The following IGF2R variants were observed in gnomAD, a reference collection of about 807,000 sequenced individuals.
IGF2R encodes cation-independent mannose-6-phosphate receptor.
A neutral mutation model predicts 270.6 loss-of-function variants in IGF2R; 91 were observed. The ratio of observed to expected loss-of-function variants is 0.34; its 90% CI spans 0.28 to 0.40. The LOEUF is 0.40. IGF2R is among the 10% of genes least tolerant of loss of function. The pLI is 1.00. For missense variants in IGF2R, 2,805 were observed against 3,188.3 expected (o/e 0.88, Z 2.90); for synonymous variants, 1,316 against 1,258.9 (o/e 1.05, Z -0.96).
Position 160,072,807 on chromosome 6 carries a change from T to A in IGF2R, c.4613T>A (p.Phe1538Tyr), listed in dbSNP as rs762128793. Residue 1538 changes from phenylalanine (F) to tyrosine (Y), a missense_variant, in exon 33 of 48, where the codon TTC becomes TAC. This residue lies in a region of IGF2R where 1,851 missense variants were observed against 2,207.2 expected (regional missense o/e 0.84). Coordinates refer to ENST00000356956, the MANE Select transcript of IGF2R (RefSeq NM_000876.4). The part of the protein sequence containing the change: ...DLSSLSGRAG[F>Y]TAAYSEKGLV... The stretch of plus-strand genomic sequence containing the variant: ...AGCTCCTTAAGTGGCAGGGCGGGAT[T>A]CACAGCTGCTTACAGCGAGAAGGGG... The A allele has an allele frequency of 6.2e-7, 1 of 1,614,212 alleles. No individual in the cohort carries two copies. The highest frequency in any genetic ancestry group is 1.7e-5 in the Admixed American group (1 of 60,032).
chr6:160,064,516 C>T lies in IGF2R; in HGVS notation c.4002C>T (p.Asp1334=). The T allele has an allele frequency of 6.2e-7, 1 of 1,614,162 alleles. No homozygotes were observed. Among genetic ancestry groups the T allele is most frequent in the Non-Finnish European group, 8.5e-7 (1 of 1,180,020 alleles). Residue 1334 remains aspartate, a synonymous_variant, in exon 28 of 48, where the codon GAC becomes GAT. Coordinates refer to ENST00000356956, the MANE Select transcript of IGF2R (RefSeq NM_000876.4). ...QRSTAIFFYC[D]RGTQRPVFLK... is the part of the protein sequence containing the mutation. ...CCACAGCCATCTTCTTCTACTGTGACCGCGGCACCCAGCGGGTGAGCATGT... is the reference window on the plus strand; with the variant it reads ...CCACAGCCATCTTCTTCTACTGTGATCGCGGCACCCAGCGGGTGAGCATGT...
chr6:160,000,728 G>T (rs1024294887), intron 2 of IGF2R, among the ~76,000 whole-genome samples: 21 of 69,972 alleles, frequency 3.0e-4, no homozygotes, highest in Admixed American at 8.3e-4. Flanking sequence ...GTGTGAGGTT[G>T]TTTTTTTTTT....
Position 159,991,192 on chromosome 6 carries a change from G to T in IGF2R, c.158G>T (p.Trp53Leu). 1 of 1,608,008 alleles carries T rather than the reference G, an allele frequency of 6.2e-7. No individual in the cohort carries two copies. The highest frequency in any genetic ancestry group is 8.5e-7 in the Non-Finnish European group (1 of 1,177,194). ...TTTTTCTTCCTTTCCAGTTATACAT[G>T]GGAAGCTGTTGATACCAAAAATAAT... The part of the protein sequence containing the change: ...APFPELCSYT[W>L]EAVDTKNNVL... The change falls in exon 2 of 48, where the codon TGG (tryptophan) becomes TTG (leucine). Residue 53 changes from tryptophan (W) to leucine (L), a missense_variant. Transcript: ENST00000356956.
intron 16 of IGF2R, 135 bp downstream of exon 16, chr6:160,047,471 G>A: frequency 1.3e-6 from 1 of 741,278 alleles, no homozygotes; most frequent in Non-Finnish European, 2.1e-6. Flanking sequence ...AGGGTGCCTG[G>A]GCAGTATTAG....
chr6:160,060,804 G>GA, intron 23 of IGF2R, 87 bp downstream of exon 23: 1 of 1,296,022 alleles, frequency 7.7e-7, no homozygotes, highest in Non-Finnish European at 1.1e-6. Flanking sequence ...CTGTGTGTAT[G>GA]TATATTTGTG....
At chr6:160,075,150 CACAT>C (rs1199905140) in intron 35 of IGF2R, among the ~76,000 whole-genome samples, 1 of 151,748 alleles carries the variant, frequency 6.6e-6, no homozygotes, top group Non-Finnish European at 1.5e-5. Flanking sequence ...ACACATTCAT[CACAT>C]ACACAGTTCC....
chr6:160,104,833 A>G lies in IGF2R; in HGVS notation c.7225A>G (p.Ser2409Gly). ...LSSLHGDDQD[S>G]EDEVLTIPEV... ...CTCCCTGCATGGGGATGACCAGGAC[A>G]GTGAGGATGAGGTTCTGACCATCCC... is the stretch of plus-strand genomic sequence containing the variant. The change falls in exon 48 of 48, where the codon AGT (serine) becomes GGT (glycine). Residue 2409 changes from serine (S) to glycine (G), a missense_variant. Around this residue, in one of 2 missense-constraint regions of IGF2R, gnomAD observed 1,851 missense variants for 2,207.2 expected, o/e 0.84. Coordinates refer to ENST00000356956, the MANE Select transcript of IGF2R (RefSeq NM_000876.4). 1 of 1,614,208 alleles carries G rather than the reference A, an allele frequency of 6.2e-7. No homozygotes were observed. Among genetic ancestry groups the G allele is most frequent in the Non-Finnish European group, 8.5e-7 (1 of 1,180,026 alleles).
At chr6:160,073,127 A>G in intron 33 of IGF2R, 86 bp from the exon 34 acceptor site, 4 of 1,535,936 alleles carry the variant, frequency 2.6e-6, no homozygotes, top group Non-Finnish European at 3.5e-6. Flanking sequence ...TATGAAATTG[A>G]TGGTCCTGAC....
intron 2 of IGF2R, among the ~76,000 whole-genome samples, chr6:159,999,790 T>A (rs566661412): frequency 6.6e-6 from 1 of 152,286 alleles, no homozygotes; most frequent in African/African-American, 2.4e-5. Context: ...GATCACATAC[T>A]GAAATTACAG....
chr6:160,031,420 T>C (rs909512749), intron 7 of IGF2R, among the ~76,000 whole-genome samples: 2 of 152,096 alleles, frequency 1.3e-5, no homozygotes, highest in Admixed American at 6.5e-5. Context: ...ATCATCACAA[T>C]CTAATTTTGC....
At position 160,047,239 on chromosome 6, in the gene IGF2R, G is replaced by A; in HGVS notation, c.2132G>A (p.Gly711Asp). The change falls in exon 16 of 48, where the codon GGC becomes GAC. Residue 711 changes from glycine (G) to aspartate (D), a missense_variant. Gly to Asp is a moderately conservative substitution (Grantham distance 94). Transcript: ENST00000356956. The stretch of plus-strand genomic sequence containing the variant: ...GGGATGATCCAACTGAACTACAGAG[G>A]CGGCACACCCTATAACAATGAAAGA... ...YDGMIQLNYR[G>D]GTPYNNERHT... 2 of 1,614,010 alleles carry A rather than the reference G, an allele frequency of 1.2e-6. No individual in the cohort carries two copies. Among genetic ancestry groups the A allele is most frequent in the Non-Finnish European group, 1.7e-6 (2 of 1,179,964 alleles).
Position 160,029,655 on chromosome 6 carries a change from GGTAA to G in IGF2R, c.882+3_882+6del. On this transcript the variant is annotated splice_donor_variant and splice_donor_region_variant and intron_variant, in intron 7 of 47. Transcript: ENST00000356956. LOFTEE classifies it high-confidence loss of function. Reference sequence around the variant, plus strand: ...TTGTTTGCCCGTCGGAGCGGAGAGAGGTAAGTGACTCGTCTCCTGATCACTAATG... The same window carrying G: ...TTGTTTGCCCGTCGGAGCGGAGAGAGGTGACTCGTCTCCTGATCACTAATG... 6.2e-7 allele frequency: 1 copy of G among 1,603,014 alleles called. No homozygotes were observed. Among genetic ancestry groups the G allele is most frequent in the Non-Finnish European group, 8.5e-7 (1 of 1,170,014 alleles).
intron 29 of IGF2R, among the ~76,000 whole-genome samples, chr6:160,067,362 C>G (rs955657466): frequency 5.3e-5 from 8 of 152,134 alleles, no homozygotes; most frequent in Admixed American, 1.3e-4. Flanking sequence ...CAACAGCTGC[C>G]TCTGCCCCCC....
rs543343497 is a variant in IGF2R at position 160,043,055 on chromosome 6, G to A, written c.1481-93G>A. ...AGTGACGAAGTGGTTTGGGAACTTTGAGCCCTTGACTTTTGGCTTAATCAC... is the reference window on the plus strand; with the variant it reads ...AGTGACGAAGTGGTTTGGGAACTTTAAGCCCTTGACTTTTGGCTTAATCAC... On this transcript the variant is annotated intron_variant, in intron 11 of 47. Transcript: ENST00000356956. 8.6e-6 allele frequency: 12 copies of A among 1,392,146 alleles called. No homozygotes were observed. In the Admixed American group the frequency reaches 1.1e-4, roughly 13 times the overall value. 86.2% of individuals were successfully genotyped at this position (1,392,146 alleles called of 1,614,324 possible).
rs1215444995 is a variant in IGF2R, at chr6:160,050,065, A to G, written c.2515-408A>G. On this transcript the variant is annotated intron_variant, in intron 18 of 47. Coordinates refer to ENST00000356956, the MANE Select transcript of IGF2R (RefSeq NM_000876.4). The surrounding 1 kb of genome is among the most constrained non-coding windows in gnomAD (Gnocchi z 4.0). ...GAAGAAACTGCATTTGGTTCCCTGT[A>G]GGGAGGTCTTCATAGTGGTTAGTGT... Among the ~76,000 whole-genome samples the G allele has an allele frequency of 1.3e-5, 2 of 152,206 alleles. No homozygotes were observed. Among genetic ancestry groups the G allele is most frequent in the African/African-American group, 4.8e-5 (2 of 41,450 alleles).
At chr6:160,053,792 G>A (rs765428170) in intron 19 of IGF2R, among the ~76,000 whole-genome samples, 2 of 152,156 alleles carry the variant, frequency 1.3e-5, no homozygotes, top group Admixed American at 6.5e-5. Context: ...AATCACTGCA[G>A]CCTCGACTTC....
At chr6:159,987,782 GA>G (rs1783910949) in intron 1 of IGF2R, among the ~76,000 whole-genome samples, 1 of 152,194 alleles carries the variant, frequency 6.6e-6, no homozygotes, top group South Asian at 2.1e-4. Flanking sequence ...GTGAAGTTTA[GA>G]AACCTGCTGT....
chr6:160,109,489 A>G lies in IGF2R; in HGVS notation c.*4405A>G, dbSNP rs938485700. The G allele has an allele frequency of 1.9e-4, 29 of 152,228 alleles. No individual in the cohort carries two copies. The highest frequency in any genetic ancestry group is 1.3e-3 in the Admixed American group (20 of 15,288). 9.4% of individuals were successfully genotyped at this position (152,228 alleles called of 1,614,324 possible). A position where few individuals can be genotyped will look rare whatever the true frequency, so the allele number is the denominator to read the frequency against. Reference sequence around the variant, plus strand: ...TTTTTCCCTGAATCATTTGAGACTAAGTTCCCTCCTATCACCAGACATTTC... The same window carrying G: ...TTTTTCCCTGAATCATTTGAGACTAGGTTCCCTCCTATCACCAGACATTTC... On this transcript the variant is annotated 3_prime_UTR_variant, in exon 48 of 48. Coordinates refer to ENST00000356956, the MANE Select transcript of IGF2R (RefSeq NM_000876.4).
In IGF2R at chr6:160,080,136, T is replaced by C. The variant is rs1466957959; in HGVS notation, c.5694T>C (p.Asp1898=). 1.4e-5 allele frequency: 22 copies of C among 1,613,942 alleles called. No homozygotes were observed. The highest frequency in any genetic ancestry group is 1.9e-5 in the Non-Finnish European group (22 of 1,179,970). The change falls in exon 39 of 48, where the codon GAT becomes GAC. Residue 1898 remains aspartate, a synonymous_variant. Coordinates refer to ENST00000356956, the MANE Select transcript of IGF2R (RefSeq NM_000876.4). ...VNGDRCPPET[D]DGVPCVFPFI... is the part of the protein sequence containing the mutation. ...TGTTCTTCTTCTTTCCAGAAACCGA[T>C]GACGGCGTCCCCTGTGTCTTCCCCT...
Sources: gnomAD v4.1 joint callset for allele counts (sites outside exome capture counted in the v4.1 genomes callset) on GRCh38, gnomAD v4.1.1 for gene constraint, gnomAD v4.1.1 regional missense constraint, Gnocchi (gnomAD v3.1) non-coding constraint, MANE v1.5 for transcripts, NCBI Gene and HGNC (gene_info 2026-07-23, HGNC 2026-07-21) for gene names.